Variants in CACNA1D observed in about 807,000 individuals in gnomAD.
CACNA1D encodes calcium voltage-gated channel subunit alpha1 D, also known as voltage-dependent L-type calcium channel subunit alpha-1D.
Under a neutral mutation model 257.1 loss-of-function variants are expected in CACNA1D, and 55 were observed. The ratio of observed to expected loss-of-function variants is 0.21; its 90% CI spans 0.17 to 0.27. CACNA1D has a LOEUF of 0.27. Among genes scored for constraint, CACNA1D ranks in the 10% least tolerant of loss-of-function variants. The pLI is 1.00. For synonymous variants in CACNA1D, 980 were observed against 1,014.9 expected (o/e 0.97, Z 0.65); for missense variants, 1,876 against 2,784.0 (o/e 0.67, Z 7.34).
chr3:53,508,951 G>A (rs943093336), intron 3 of CACNA1D, among the ~76,000 whole-genome samples: 2 of 152,156 alleles, frequency 1.3e-5, no homozygotes, highest in African/African-American at 4.8e-5. Flanking sequence ...GGGTGTCGGC[G>A]GGTGTCCCTG....
At chr3:53,771,385 T>C (rs951339333) in intron 32 of CACNA1D, among the ~76,000 whole-genome samples, 1 of 152,182 alleles carries the variant, frequency 6.6e-6, no homozygotes, top group African/African-American at 2.4e-5. Context: ...TAAAGAGAAA[T>C]TTCAAACTTG....
chr3:53,508,257 A>G (rs2090943225), intron 3 of CACNA1D, among the ~76,000 whole-genome samples: 1 of 152,056 alleles, frequency 6.6e-6, no homozygotes, highest in African/African-American at 2.4e-5. Flanking sequence ...CCCATCACCT[A>G]GGTATTAAGC....
At chr3:53,754,397 A>C (rs1576566473) in intron 29 of CACNA1D, among the ~76,000 whole-genome samples, 1 of 152,090 alleles carries the variant, frequency 6.6e-6, no homozygotes, top group African/African-American at 2.4e-5. Flanking sequence ...TCAAATCTCT[A>C]CTCTGGCACT....
At chr3:53,731,226 G>A in intron 17 of CACNA1D, 80 bp downstream of exon 17, 1 of 907,190 alleles carries the variant, frequency 1.1e-6, no homozygotes, top group Non-Finnish European at 1.8e-6. Context: ...TTTACACTGT[G>A]GAAGTGTCTT....
rs779878981 is a variant in CACNA1D, at chr3:53,753,627, T to A, written c.3731T>A (p.Phe1244Tyr). 4.3e-6 allele frequency: 7 copies of A among 1,613,808 alleles called. No homozygotes were observed. In the Admixed American group the frequency reaches 1.2e-4, roughly 27 times the overall value. The change falls in exon 29 of 48, where the codon TTC (phenylalanine) becomes TAC (tyrosine). Residue 1244 changes from phenylalanine to tyrosine, a missense_variant. Around this residue, in one of 10 missense-constraint regions of CACNA1D, gnomAD observed 204 missense variants for 309.4 expected, o/e 0.66. Transcript: ENST00000350061. ...GCCATGGACATTCTGAACATGGTCT[T>A]CACCGGGGTGTTCACCGTCGAGATG... ...NDAMDILNMV[F>Y]TGVFTVEMVL...
At chr3:53,775,707 G>C (rs2095393519) in intron 34 of CACNA1D, among the ~76,000 whole-genome samples, 179 bp from the exon 35 acceptor site, 1 of 152,208 alleles carries the variant, frequency 6.6e-6, no homozygotes, top group Non-Finnish European at 1.5e-5. Flanking sequence ...AGGACCTCCA[G>C]TTACTGTGAT....
intron 8 of CACNA1D, among the ~76,000 whole-genome samples, chr3:53,680,557 A>T (rs926417269): frequency 6.6e-6 from 1 of 152,028 alleles, no homozygotes; most frequent in African/African-American, 2.4e-5. Context: ...GTTGCAGGGG[A>T]GGCTGTTGAA....
intron 30 of CACNA1D, chr3:53,762,428 G>A: frequency 4.7e-6 from 2 of 423,874 alleles, no homozygotes; most frequent in South Asian, 3.7e-5. Context: ...TATTTTAGGG[G>A]GATGTTTCAA....
In CACNA1D at chr3:53,802,080, T is replaced by G. The variant is rs36092375; in HGVS notation, c.5409-67T>G. On this transcript the variant is annotated intron_variant, in intron 42 of 47. Transcript: ENST00000350061. ...CTAGGAGGTAGCCTGATGTTTGCAT[T>G]GTAAATTTGGTTGGAAATTAACTTT... The G allele has an allele frequency of 2.7e-3, 3,746 of 1,367,476 alleles. 83 individuals carry two copies. In the African/African-American group the frequency reaches 0.047, roughly 17 times the overall value. The allele number at this position is 1,367,476 out of a possible 1,614,324, so 84.7% of individuals were successfully genotyped here.
intron 3 of CACNA1D, among the ~76,000 whole-genome samples, chr3:53,573,695 T>C (rs901047529): frequency 1.3e-5 from 2 of 152,244 alleles, no homozygotes; most frequent in Non-Finnish European, 2.9e-5. Context: ...TCTTTCACTG[T>C]TGTATGTCCA....
chr3:53,769,936 G>A, intron 30 of CACNA1D, 37 bp from the exon 31 acceptor site: 2 of 1,544,026 alleles, frequency 1.3e-6, no homozygotes, highest in Non-Finnish European at 1.8e-6. Context: ...CTCCTTCCTG[G>A]TTCATTAATC....
rs925454902 is a variant in CACNA1D at position 53,730,647 on chromosome 3, G to A, written c.2336+91G>A. 1.1e-5 allele frequency: 10 copies of A among 943,958 alleles called. No individual in the cohort carries two copies. In the African/African-American group the frequency reaches 1.1e-4, roughly 11 times the overall value. The allele number at this position is 943,958 out of a possible 1,614,324, so 58.5% of individuals were successfully genotyped here. A position where few individuals can be genotyped will look rare whatever the true frequency, so the allele number is the denominator to read the frequency against. ...CCTGCCAGGCTTACCCCCGCATCAC[G>A]GCAGCTGCAGCCCCCGGGTTGCTGC... On this transcript the variant is annotated intron_variant, in intron 16 of 47. Transcript: ENST00000350061.
chr3:53,806,117 C>G (rs1452920064), intron 45 of CACNA1D, among the ~76,000 whole-genome samples: 1 of 146,702 alleles, frequency 6.8e-6, no homozygotes, highest in Non-Finnish European at 1.5e-5. Context: ...CTAGCATCTT[C>G]CTTTATCTTC....
At chr3:53,715,141 G>A (rs553368680) in intron 9 of CACNA1D, among the ~76,000 whole-genome samples, 18 of 152,252 alleles carry the variant, frequency 1.2e-4, no homozygotes, top group Non-Finnish European at 2.4e-4. Flanking sequence ...GTCAGAGTGC[G>A]TTTCCTCTGC....
Position 53,801,420 on chromosome 3 carries a change from G to C in CACNA1D, c.5403G>C (p.Val1801=). The C allele has an allele frequency of 6.2e-7, 1 of 1,613,972 alleles. No individual in the cohort carries two copies. The change falls in exon 42 of 48, where the codon GTG becomes GTC. Residue 1801 remains valine, a synonymous_variant. Transcript: ENST00000350061. ...GGGAGCCTCAGAGAAGGTCCAGTGT[G>C]AAAAGGTAACCTTGACAATGTGTTT... ...HDREPQRRSS[V]KRTRYYETYI... is the part of the protein sequence containing the mutation.
intron 40 of CACNA1D, chr3:53,791,233 G>A (rs1176020827): frequency 1.1e-5 from 6 of 566,598 alleles, no homozygotes; most frequent in Middle Eastern, 4.6e-4. Flanking sequence ...TGCCTGTCGC[G>A]GACGTTGCTC....
intron 3 of CACNA1D, among the ~76,000 whole-genome samples, chr3:53,571,620 A>G (rs2092945669): frequency 6.6e-6 from 1 of 152,032 alleles, no homozygotes; most frequent in Non-Finnish European, 1.5e-5. Flanking sequence ...CTGGAAAAGG[A>G]TGGGCCACCT....
At chr3:53,731,667 A>G (rs2094994031) in intron 17 of CACNA1D, among the ~76,000 whole-genome samples, 1 of 152,354 alleles carries the variant, frequency 6.6e-6, no homozygotes, top group Admixed American at 6.5e-5. Flanking sequence ...AATGAAGAAG[A>G]CAGGTCCCTG....
intron 10 of CACNA1D, 63 bp from the exon 11 acceptor site, chr3:53,719,692 G>A (rs2094860635): frequency 7.1e-7 from 1 of 1,411,888 alleles, no homozygotes; most frequent in South Asian, 1.2e-5. Context: ...CAGCTGAAAT[G>A]ATGGGGAGTG....
Sources: gnomAD v4.1 joint callset for allele counts (sites outside exome capture counted in the v4.1 genomes callset) on GRCh38, gnomAD v4.1.1 for gene constraint, gnomAD v4.1.1 regional missense constraint, MANE v1.5 for transcripts, NCBI Gene and HGNC (gene_info 2026-07-23, HGNC 2026-07-21) for gene names.